The following SCN1A variants were observed in gnomAD, a reference collection of about 807,000 sequenced individuals.
The protein encoded by SCN1A is sodium voltage-gated channel alpha subunit 1.
SCN1A carries 13 observed loss-of-function variants against 193.7 expected under a neutral mutation model. The observed-to-expected ratio is 0.07, with a 90% CI of 0.04 to 0.11. The LOEUF (loss-of-function observed/expected upper bound fraction) is 0.11. Among genes scored for constraint, SCN1A ranks in the 10% least tolerant of loss-of-function variants. The pLI is 1.00. For synonymous variants in SCN1A, 781 were observed against 843.6 expected, an observed-to-expected ratio of 0.93 and a Z score of 1.29; for missense variants, 1,432 against 2,451.1, an observed-to-expected ratio of 0.58 and a Z score of 8.78.
intron 2 of SCN1A, among the ~76,000 whole-genome samples, chr2:166,117,160 G>C (rs1574574102): frequency 6.6e-6 from 1 of 152,076 alleles, no homozygotes; most frequent in East Asian, 1.9e-4. Context: ...ATATCTGTTT[G>C]AATAATCACA....
intron 2 of SCN1A, among the ~76,000 whole-genome samples, chr2:166,108,848 C>T (rs1209368842): frequency 2.0e-5 from 3 of 152,018 alleles, no homozygotes; most frequent in African/African-American, 7.2e-5. Flanking sequence ...CTTTTTAGCT[C>T]AATGGAAATG....
chr2:166,094,309 G>T (rs551955123), intron 2 of SCN1A, among the ~76,000 whole-genome samples: 3 of 152,288 alleles, frequency 2.0e-5, no homozygotes, highest in African/African-American at 7.2e-5. Flanking sequence ...GCCACTTAAT[G>T]AGTTGAGTGG....
intron 2 of SCN1A, among the ~76,000 whole-genome samples, chr2:166,107,284 C>G (rs1183909336): frequency 6.6e-6 from 1 of 152,020 alleles, no homozygotes; most frequent in Non-Finnish European, 1.5e-5. Flanking sequence ...TTGTTTTTTG[C>G]TTTAGTCCAT....
intron 22 of SCN1A, 65 bp from the exon 23 acceptor site, chr2:166,009,906 A>T: frequency 1.4e-6 from 2 of 1,453,848 alleles, no homozygotes; most frequent in Non-Finnish European, 1.9e-6. Flanking sequence ...GTTGCTATAT[A>T]ATACAACAAG....
chr2:166,120,682 C>T (rs1342138319), intron 2 of SCN1A, among the ~76,000 whole-genome samples: 1 of 135,086 alleles, frequency 7.4e-6, no homozygotes, highest in African/African-American at 2.8e-5. Flanking sequence ...GGCATGATCT[C>T]GGCTTGCTGC....
chr2:166,097,098 T>G (rs1687472002), intron 2 of SCN1A, among the ~76,000 whole-genome samples: 1 of 152,160 alleles, frequency 6.6e-6, no homozygotes, highest in Non-Finnish European at 1.5e-5. Context: ...CGCGGCTCAC[T>G]GCAACCTAAC....
chr2:166,025,016 T>C (rs1006187025), intron 19 of SCN1A, among the ~76,000 whole-genome samples: 1 of 152,238 alleles, frequency 6.6e-6, no homozygotes, highest in Non-Finnish European at 1.5e-5. Context: ...TCTTTACACA[T>C]AGAAAATCAT....
intron 2 of SCN1A, among the ~76,000 whole-genome samples, chr2:166,087,650 AACCTCTTTT>A (rs1686287772): frequency 6.6e-6 from 1 of 152,084 alleles, no homozygotes; most frequent in South Asian, 2.1e-4. Flanking sequence ...AAGTCAAGTA[AACCTCTTTT>A]TAAAAAAAAA....
Position 165,987,176 on chromosome 2 carries a change from T to C in SCN1A, c.*4069A>G, listed in dbSNP as rs1418712096. The C allele has an allele frequency of 6.6e-6, 1 of 152,140 alleles. No homozygotes were observed. The highest frequency in any genetic ancestry group is 1.5e-5 in the Non-Finnish European group (1 of 68,000). The allele number at this position is 152,140 out of a possible 1,614,324, so 9.4% of individuals were successfully genotyped here. ...TAGAGTGTCCTCAATTTGATTTTCCTTGTAGTTAGATTCTGGTTTTAAAAT... is the reference window on the plus strand; with the variant it reads ...TAGAGTGTCCTCAATTTGATTTTCCCTGTAGTTAGATTCTGGTTTTAAAAT... On this transcript the variant is annotated 3_prime_UTR_variant, in exon 29 of 29. Transcript: ENST00000674923.
At chr2:165,994,539 G>A in intron 27 of SCN1A, 123 bp from the exon 28 acceptor site, 1 of 822,490 alleles carries the variant, frequency 1.2e-6, no homozygotes, top group Non-Finnish European at 1.9e-6. Context: ...CCTGATTTTT[G>A]TAAGAATGAT....
At chr2:166,111,321 T>G (rs1448703764) in intron 2 of SCN1A, among the ~76,000 whole-genome samples, 2 of 151,990 alleles carry the variant, frequency 1.3e-5, no homozygotes, top group African/African-American at 2.4e-5. Flanking sequence ...TTAAGAAGTA[T>G]GCTAAATATA....
Position 166,072,661 on chromosome 2 carries a change from T to A in SCN1A, c.264+697A>T, listed in dbSNP as rs572142867. Among the ~76,000 whole-genome samples, 25 of 152,282 alleles carry A rather than the reference T, an allele frequency of 1.6e-4. No individual in the cohort carries two copies. The South Asian group carries it at 5.2e-3, about 32-fold the overall frequency. ...ATGAAAAATTAGTACTAATATTTTG[T>A]ATAGTCTTTATAACTCATGATTTTG... On this transcript the variant is annotated intron_variant, in intron 4 of 28. Transcript: ENST00000674923.
chr2:166,104,001 T>G (rs1364586814), intron 2 of SCN1A, among the ~76,000 whole-genome samples: 2 of 152,222 alleles, frequency 1.3e-5, no homozygotes, highest in African/African-American at 4.8e-5. Flanking sequence ...GAAATGTATC[T>G]CTGTTCATGG....
At chr2:166,146,553 A>T (rs1484927164) in intron 1 of SCN1A, among the ~76,000 whole-genome samples, 1 of 152,186 alleles carries the variant, frequency 6.6e-6, no homozygotes, top group Non-Finnish European at 1.5e-5. Context: ...CTTTGTGGGT[A>T]GAGGCAAGGA....
At chr2:166,091,341 G>C (rs1453107760) in intron 2 of SCN1A, among the ~76,000 whole-genome samples, 1 of 152,022 alleles carries the variant, frequency 6.6e-6, no homozygotes, top group African/African-American at 2.4e-5. Flanking sequence ...AAATCATTTA[G>C]CAATTTTTAG....
intron 2 of SCN1A, chr2:166,092,513 G>A (rs1574459100): frequency 2.6e-5 from 4 of 152,294 alleles, no homozygotes; most frequent in Non-Finnish European, 5.9e-5. Flanking sequence ...TGTTAGAACA[G>A]GTCATATCTT....
At chr2:166,059,387 T>C (rs10188577) in intron 4 of SCN1A, 39,626 of 152,086 alleles carry the variant, frequency 0.26, 5,858 homozygotes, top group Non-Finnish European at 0.34. Flanking sequence ...TCTTATGCAG[T>C]GCTTTCTTAT....
chr2:166,036,624 C>A, intron 18 of SCN1A, 94 bp from the exon 19 acceptor site: 1 of 1,317,568 alleles, frequency 7.6e-7, no homozygotes, highest in Admixed American at 2.1e-5. Context: ...GTGGAAAAAA[C>A]TCTAAGTTCT....
chr2:166,084,381 A>T (rs1685872392), intron 2 of SCN1A, among the ~76,000 whole-genome samples: 2 of 152,104 alleles, frequency 1.3e-5, no homozygotes, highest in Non-Finnish European at 2.9e-5. Flanking sequence ...ACCCACAAAG[A>T]TGGAGACAGA....
Sources: gnomAD v4.1 joint callset for allele counts (sites outside exome capture counted in the v4.1 genomes callset) on GRCh38, gnomAD v4.1.1 for gene constraint, MANE v1.5 for transcripts, NCBI Gene and HGNC (gene_info 2026-07-23, HGNC 2026-07-21) for gene names.